CACNA2D3: variants seen among roughly 807,000 people sequenced by gnomAD.
The protein encoded by CACNA2D3 is calcium voltage-gated channel auxiliary subunit alpha2delta 3.
CACNA2D3 carries 60 observed loss-of-function variants against 160.6 expected under a neutral mutation model. The observed-to-expected ratio is 0.37, with a 90% CI of 0.30 to 0.46. The LOEUF (loss-of-function observed/expected upper bound fraction) is 0.46. CACNA2D3 is among the 20% of genes least tolerant of loss of function. The probability of loss-of-function intolerance (pLI) is 1.00; values close to 1 mark genes in which losing one functional copy is unlikely to be tolerated. For synonymous variants in CACNA2D3, 558 were observed against 492.9 expected, an observed-to-expected ratio of 1.13 and a Z score of -1.75; for missense variants, 1,205 against 1,365.0, an observed-to-expected ratio of 0.88 and a Z score of 1.85.
At chr3:54,275,292 G>T (rs564580447) in intron 2 of CACNA2D3, among the ~76,000 whole-genome samples, 1 of 152,232 alleles carries the variant, frequency 6.6e-6, no homozygotes, top group Non-Finnish European at 1.5e-5. Context: ...AGGTCTCAGG[G>T]TGTGCACCCC....
intron 10 of CACNA2D3, chr3:54,633,502 CAAAAAGGGA>C (rs1411867957): frequency 2.0e-5 from 3 of 151,664 alleles, no homozygotes; most frequent in Non-Finnish European, 4.4e-5. Context: ...ATTTATTGGG[CAAAAAGGGA>C]AAAAAGGGAA....
At chr3:54,672,703 T>C (rs1052490279) in intron 11 of CACNA2D3, among the ~76,000 whole-genome samples, 8 of 152,176 alleles carry the variant, frequency 5.3e-5, no homozygotes, top group Non-Finnish European at 1.0e-4. Context: ...TAAGGCACTT[T>C]CAAATTAGGT....
chr3:55,022,843 G>A (rs1703489254), intron 35 of CACNA2D3, among the ~76,000 whole-genome samples: 3 of 151,728 alleles, frequency 2.0e-5, no homozygotes, highest in South Asian at 2.1e-4. Flanking sequence ...ATTTTGTTAA[G>A]TTGGATTACC....
At chr3:54,235,864 CTTT>C (rs1018490309) in intron 2 of CACNA2D3, among the ~76,000 whole-genome samples, 33 of 152,224 alleles carry the variant, frequency 2.2e-4, no homozygotes, top group African/African-American at 7.5e-4. Flanking sequence ...TGCATAGTGA[CTTT>C]CTTTCAAAGA....
chr3:54,744,307 G>A (rs1210216375), intron 11 of CACNA2D3, among the ~76,000 whole-genome samples: 2 of 152,204 alleles, frequency 1.3e-5, no homozygotes, highest in African/African-American at 4.8e-5. Context: ...GGAATTTATA[G>A]TGCAAAATAC....
At chr3:54,502,482 A>G (rs1701309632) in intron 4 of CACNA2D3, among the ~76,000 whole-genome samples, 1 of 152,318 alleles carries the variant, frequency 6.6e-6, no homozygotes, top group African/African-American at 2.4e-5. Flanking sequence ...ATTCTTTCAT[A>G]GAATATCCAC....
chr3:55,011,195 G>C (rs1456195801), intron 34 of CACNA2D3, among the ~76,000 whole-genome samples: 2 of 152,240 alleles, frequency 1.3e-5, no homozygotes, highest in South Asian at 4.1e-4. Flanking sequence ...ATCCATGCCT[G>C]TCCAGGCTTG....
chr3:54,907,549 G>A (rs561264772), intron 27 of CACNA2D3, among the ~76,000 whole-genome samples: 2 of 152,098 alleles, frequency 1.3e-5, no homozygotes, highest in East Asian at 1.9e-4. Flanking sequence ...TATTATTGTC[G>A]CCCTCTTCAT....
At chr3:54,803,837 T>TC (rs1703051619) in intron 13 of CACNA2D3, among the ~76,000 whole-genome samples, 2 of 152,180 alleles carry the variant, frequency 1.3e-5, no homozygotes, top group African/African-American at 2.4e-5. Context: ...GGGAAGCCCA[T>TC]CAGACTAACA....
chr3:54,551,662 G>A (rs1321216495), intron 5 of CACNA2D3, among the ~76,000 whole-genome samples: 1 of 152,164 alleles, frequency 6.6e-6, no homozygotes, highest in African/African-American at 2.4e-5. Context: ...TCTGTGATGA[G>A]TTTTCAAAAA....
At chr3:54,231,896 A>G (rs1701776525) in intron 2 of CACNA2D3, among the ~76,000 whole-genome samples, 1 of 152,160 alleles carries the variant, frequency 6.6e-6, no homozygotes, top group African/African-American at 2.4e-5. Flanking sequence ...GGAGTTCACA[A>G]GAACCCAGGC....
At chr3:54,578,962 T>C (rs1702632038) in intron 8 of CACNA2D3, among the ~76,000 whole-genome samples, 1 of 152,188 alleles carries the variant, frequency 6.6e-6, no homozygotes, top group African/African-American at 2.4e-5. Flanking sequence ...CATAAGATTC[T>C]GGGATCAGAG....
intron 9 of CACNA2D3, chr3:54,626,225 T>C: frequency 1.1e-6 from 1 of 936,992 alleles, no homozygotes. Context: ...ATGGCAGAAG[T>C]AGAGCAGAAG....
intron 11 of CACNA2D3, among the ~76,000 whole-genome samples, chr3:54,742,379 C>A (rs1471527479): frequency 6.6e-6 from 1 of 152,114 alleles, no homozygotes; most frequent in African/African-American, 2.4e-5. Flanking sequence ...GATCGAGCCA[C>A]TGCACTCCAT....
intron 21 of CACNA2D3, among the ~76,000 whole-genome samples, chr3:54,882,440 T>A (rs1462269032): frequency 6.6e-6 from 1 of 152,220 alleles, no homozygotes. Flanking sequence ...CACAGTTGTT[T>A]TGCATTGTCT....
intron 14 of CACNA2D3, among the ~76,000 whole-genome samples, chr3:54,822,935 A>G (rs1463338498): frequency 6.7e-6 from 1 of 150,002 alleles, no homozygotes; most frequent in Non-Finnish European, 1.5e-5. Context: ...GCTCACTGCA[A>G]CCTCTGCCTC....
intron 11 of CACNA2D3, among the ~76,000 whole-genome samples, chr3:54,664,069 C>G (rs1014439085): frequency 3.3e-5 from 5 of 152,246 alleles, no homozygotes; most frequent in Admixed American, 6.5e-5. Context: ...TTAACTCTTT[C>G]ATTAACTCCA....
At chr3:54,729,529 T>C (rs1457661198) in intron 11 of CACNA2D3, among the ~76,000 whole-genome samples, 1 of 152,144 alleles carries the variant, frequency 6.6e-6, no homozygotes, top group Admixed American at 6.5e-5. Flanking sequence ...TGCACAGTCA[T>C]TGGGTGGTGG....
intron 11 of CACNA2D3, among the ~76,000 whole-genome samples, chr3:54,670,015 C>G (rs185936562): frequency 1.1e-4 from 17 of 152,260 alleles, no homozygotes; most frequent in African/African-American, 4.1e-4. Context: ...ACCAAGGAAA[C>G]ACTGAAACAA....
Sources: gnomAD v4.1 joint callset for allele counts (sites outside exome capture counted in the v4.1 genomes callset) on GRCh38, gnomAD v4.1.1 for gene constraint, MANE v1.5 for transcripts, NCBI Gene and HGNC (gene_info 2026-07-23, HGNC 2026-07-21) for gene names.